Variants in SCRIB observed in about 807,000 individuals in gnomAD.
The protein encoded by SCRIB is scribble planar cell polarity protein.
Under a neutral mutation model 170.0 loss-of-function variants are expected in SCRIB, and 72 were observed. The observed-to-expected ratio is 0.42, with a 90% confidence interval of 0.35 to 0.52. The LOEUF (loss-of-function observed/expected upper bound fraction) is 0.52. Among genes scored for constraint, SCRIB ranks in the 20% least tolerant of loss-of-function variants. The pLI, the probability that SCRIB is intolerant of heterozygous loss-of-function variation, is 0.02. For synonymous variants in SCRIB, 1,298 were observed against 1,044.3 expected (o/e 1.24, Z -4.68); for missense variants, 2,475 against 2,338.5 (o/e 1.06, Z -1.20).
chr8:143,810,645 G>A (rs562452347), intron 12 of SCRIB, 41 bp from the exon 13 acceptor site: 15 of 1,605,192 alleles, frequency 9.3e-6, no homozygotes, highest in Middle Eastern at 3.3e-4. Context: ...ACAGGGCAGG[G>A]GTCAGGCAGA....
Position 143,811,054 on chromosome 8 carries a change from G to A in SCRIB, c.1125C>T (p.Phe375=), listed in dbSNP as rs775237815. 13 of 1,611,850 alleles carry A rather than the reference G, an allele frequency of 8.1e-6. No individual in the cohort carries two copies. Among genetic ancestry groups the A allele is most frequent in the South Asian group, 2.2e-5 (2 of 90,908 alleles). ...CCTTGAGATTGAGGTGGGTGAGCGC[G>A]AACGGCAGACTCTGCAGGCTGCGGG... The part of the protein sequence containing the change: ...VAGNRLQSLP[F]ALTHLNLKAL... The change falls in exon 11 of 37, where the codon TTC becomes TTT. Residue 375 remains phenylalanine, a synonymous_variant. Transcript: ENST00000356994.
In SCRIB at chr8:143,792,263, G is replaced by A. The variant is rs1554632968; in HGVS notation, c.4471C>T (p.Arg1491Trp). The change falls in exon 32 of 37, where the codon CGG (arginine) becomes TGG (tryptophan). Residue 1491 changes from arginine (R) to tryptophan (W), a missense_variant. By Grantham distance (101) the Arg-to-Trp change is moderately radical. This residue lies in a region of SCRIB where 1,966 missense variants were observed against 1,742.9 expected (regional missense o/e 1.13). Coordinates refer to ENST00000356994, the MANE Select transcript of SCRIB (RefSeq NM_182706.5). ...PERALSPAELRALEAEKRALW... is the reference protein window; with the variant it reads ...PERALSPAELWALEAEKRALW... ...GCACGCTTCTCGGCCTCCAGGGCCC[G>A]GAGCTCGGCAGGGGACAGGGCACGC... 5.7e-6 allele frequency: 9 copies of A among 1,572,036 alleles called. No individual in the cohort carries two copies. Among genetic ancestry groups the A allele is most frequent in the Non-Finnish European group, 6.9e-6 (8 of 1,166,420 alleles).
At position 143,813,521 on chromosome 8, in the gene SCRIB, G is replaced by A. The variant is rs967811731; in HGVS notation, c.452C>T (p.Ala151Val). ...CCGGAGCTCCAGGGTCACCAGGTTGGCGAGGCTGAAAGAGAGACCAGGCGC... is the reference window on the plus strand; with the variant it reads ...CCGGAGCTCCAGGGTCACCAGGTTGACGAGGCTGAAAGAGAGACCAGGCGC... ...QALPGDVGNL[A>V]NLVTLELREN... is the part of the protein sequence containing the mutation. The change falls in exon 5 of 37, where the codon GCC becomes GTC. Residue 151 changes from alanine (A) to valine (V), a missense_variant. By Grantham distance (64) the Ala-to-Val change is moderately conservative. Transcript: ENST00000356994. The A allele has an allele frequency of 1.9e-6, 3 of 1,613,148 alleles. No individual in the cohort carries two copies. The highest frequency in any genetic ancestry group is 3.3e-5 in the Admixed American group (2 of 60,000).
intron 24 of SCRIB, among the ~76,000 whole-genome samples, chr8:143,801,739 G>A (rs1554635026): frequency 1.3e-5 from 2 of 152,184 alleles, no homozygotes; most frequent in African/African-American, 4.8e-5. Flanking sequence ...GGAGCTGGAT[G>A]GCAGCTCTCA....
chr8:143,803,291 G>A (rs1268450223), intron 24 of SCRIB, 92 bp downstream of exon 24: 6 of 1,254,390 alleles, frequency 4.8e-6, no homozygotes, highest in Admixed American at 5.3e-5. Flanking sequence ...GAGGCACAGG[G>A]GACCCGTCGC....
intron 27 of SCRIB, among the ~76,000 whole-genome samples, chr8:143,794,568 G>A (rs1327799676): frequency 2.0e-5 from 3 of 152,074 alleles, no homozygotes; most frequent in Non-Finnish European, 4.4e-5. Context: ...CTGGTGGGGC[G>A]CACCCTCTGG....
intron 27 of SCRIB, chr8:143,794,358 G>A (rs1171536121): frequency 2.4e-5 from 5 of 206,716 alleles, no homozygotes; most frequent in African/African-American, 1.1e-4. Context: ...CCCCATGACT[G>A]TGCTGTTGTT....
At position 143,807,566 on chromosome 8, in the gene SCRIB, T is replaced by A. The variant is rs754962645; in HGVS notation, c.2164A>T (p.Ile722Phe). The change falls in exon 16 of 37, where the codon ATT (isoleucine) becomes TTT (phenylalanine). Residue 722 changes from isoleucine to phenylalanine, a missense_variant. Ile to Phe is a conservative substitution (Grantham distance 21). Around this residue, in one of 3 missense-constraint regions of SCRIB, gnomAD observed 1,966 missense variants for 1,742.9 expected, o/e 1.13. Coordinates refer to ENST00000356994, the MANE Select transcript of SCRIB (RefSeq NM_182706.5). ...GCAGTACAGACCTCTTCCTCCTCAA[T>A]GCGAGCAGGCTCTATCAGCAGGTTA... ...ANNLLIEPAR[I>F]EEEELTLTIL... 1 of 1,613,824 alleles carries A rather than the reference T, an allele frequency of 6.2e-7. No homozygotes were observed. Among genetic ancestry groups the A allele is most frequent in the Non-Finnish European group, 8.5e-7 (1 of 1,179,846 alleles).
At position 143,792,231 on chromosome 8, in the gene SCRIB, C is replaced by G. The variant is rs1554632949; in HGVS notation, c.4503G>C (p.Trp1501Cys). 1 of 1,565,096 alleles carries G rather than the reference C, an allele frequency of 6.4e-7. No homozygotes were observed. The highest frequency in any genetic ancestry group is 8.6e-7 in the Non-Finnish European group (1 of 1,162,882). Reference protein sequence around the residue: ...RALEAEKRALWRAARMKSLEQ... With the variant: ...RALEAEKRALCRAARMKSLEQ... ...ACACAGGGGCTCACCTGGCTGCCCT[C>G]CACAGCGCACGCTTCTCGGCCTCCA... Residue 1501 changes from tryptophan to cysteine, a missense_variant, in exon 32 of 37, where the codon TGG becomes TGC. Around this residue, in one of 3 missense-constraint regions of SCRIB, gnomAD observed 1,966 missense variants for 1,742.9 expected, o/e 1.13. Coordinates refer to ENST00000356994, the MANE Select transcript of SCRIB (RefSeq NM_182706.5).
In SCRIB at chr8:143,807,016, G is replaced by A. The variant is rs374076009; in HGVS notation, c.2179-3C>T. 31 of 1,608,422 alleles carry A rather than the reference G, an allele frequency of 1.9e-5. No individual in the cohort carries two copies. Among genetic ancestry groups the A allele is most frequent in the Middle Eastern group, 3.3e-4 (2 of 6,050 alleles). On this transcript the variant is annotated splice_polypyrimidine_tract_variant and splice_region_variant and intron_variant, in intron 16 of 36. Coordinates refer to ENST00000356994, the MANE Select transcript of SCRIB (RefSeq NM_182706.5). ...TGCCGCAGGATAGTGAGGGTCAGCT[G>A]GAAACAGAACAGACAGGGTGTCTAG...
rs1814880823 is a variant in SCRIB at position 143,795,058 on chromosome 8, T to C, written c.3826A>G (p.Ser1276Gly). 2 of 1,611,108 alleles carry C rather than the reference T, an allele frequency of 1.2e-6. No homozygotes were observed. Among genetic ancestry groups the C allele is most frequent in the Non-Finnish European group, 1.7e-6 (2 of 1,179,254 alleles). Residue 1276 changes from serine to glycine, a missense_variant, in exon 27 of 37, where the codon AGC (serine) becomes GGC (glycine). Physicochemically the swap from Ser to Gly is moderately conservative, Grantham distance 56 (BLOSUM62 0). Coordinates refer to ENST00000356994, the MANE Select transcript of SCRIB (RefSeq NM_182706.5). ...CTCACCCTCTGCACGCTGCCAGCGC[T>C]GGGCACGGCGGCCAGGGCGCGGTAG... ...LDYRALAAVPSAGSVQRVPSG... is the reference protein window; with the variant it reads ...LDYRALAAVPGAGSVQRVPSG...
chr8:143,792,918 G>A (rs371340590), intron 29 of SCRIB, 51 bp from the exon 30 acceptor site: 187 of 1,501,574 alleles, frequency 1.2e-4, no homozygotes, highest in Non-Finnish European at 1.6e-4. Context: ...GAGATACTGG[G>A]GCCCCCGGGC....
intron 24 of SCRIB, among the ~76,000 whole-genome samples, chr8:143,801,434 T>C (rs1554634959): frequency 6.6e-6 from 1 of 152,142 alleles, no homozygotes; most frequent in Admixed American, 6.5e-5. Flanking sequence ...TTTTGTAATC[T>C]TGCAGTAGGG....
chr8:143,808,422 A>ACGCCAGGGCAGGCC lies in SCRIB; in HGVS notation c.2115+186_2115+187insGGCCTGCCCTGGCG, dbSNP rs1554637111. 7.5e-4 allele frequency among the ~76,000 whole-genome samples: 111 copies of ACGCCAGGGCAGGCC among 148,482 alleles called. 2 individuals are homozygous for ACGCCAGGGCAGGCC. The highest frequency in any genetic ancestry group is 1.5e-3 in the African/African-American group (60 of 40,794). Reference sequence around the variant, plus strand: ...GGAGTCCAAGCATGGACTGAGACCAATGCCAGGGCAGGCCTGGGGTCTGGT... The same window carrying ACGCCAGGGCAGGCC: ...GGAGTCCAAGCATGGACTGAGACCAACGCCAGGGCAGGCCTGCCAGGGCAGGCCTGGGGTCTGGT... On this transcript the variant is annotated intron_variant, in intron 15 of 36. Transcript: ENST00000356994.
At position 143,803,816 on chromosome 8, in the gene SCRIB, C is replaced by A. The variant is rs782584649; in HGVS notation, c.3245G>T (p.Cys1082Phe). ...QEAVSALLRP[C>F]LELSLLVRRD... ...CCGCACCAGCAGCGACAGCTCCAGG[C>A]AGGGCCGGAGCAGGGCACTGACTGC... The change falls in exon 23 of 37, where the codon TGC becomes TTC. Residue 1082 changes from cysteine to phenylalanine, a missense_variant. By Grantham distance (205) the Cys-to-Phe change is radical. Around this residue, in one of 3 missense-constraint regions of SCRIB, gnomAD observed 1,966 missense variants for 1,742.9 expected, o/e 1.13. Transcript: ENST00000356994. 1.2e-6 allele frequency: 2 copies of A among 1,604,276 alleles called. No homozygotes were observed. The highest frequency in any genetic ancestry group is 1.7e-5 in the Admixed American group (1 of 59,752).
chr8:143,803,668 G>C lies in SCRIB; in HGVS notation c.3393C>G (p.Asp1131Glu), dbSNP rs368489585. 6.4e-7 allele frequency: 1 copy of C among 1,566,968 alleles called. No homozygotes were observed. Among genetic ancestry groups the C allele is most frequent in the Non-Finnish European group, 8.6e-7 (1 of 1,162,590 alleles). Residue 1131 changes from aspartate (D) to glutamate (E), a missense_variant, in exon 23 of 37, where the codon GAC becomes GAG. Asp to Glu is a conservative substitution (Grantham distance 45). Around this residue, in one of 3 missense-constraint regions of SCRIB, gnomAD observed 1,966 missense variants for 1,742.9 expected, o/e 1.13. Coordinates refer to ENST00000356994, the MANE Select transcript of SCRIB (RefSeq NM_182706.5). ...TCACCTTGGAGATGAAGATGCCCTCGTCTGTGGGGTCGCGGGGGTTGCCAG... is the reference window on the plus strand; with the variant it reads ...TCACCTTGGAGATGAAGATGCCCTCCTCTGTGGGGTCGCGGGGGTTGCCAG... ...GHAGNPRDPT[D>E]EGIFISKVSP...
chr8:143,810,714 T>G lies in SCRIB; in HGVS notation c.1376A>C (p.Asp459Ala), dbSNP rs1370735993. The change falls in exon 12 of 37, where the codon GAC (aspartate) becomes GCC (alanine). Residue 459 changes from aspartate to alanine, a missense_variant. Physicochemically the swap from Asp to Ala is moderately radical, Grantham distance 126. Transcript: ENST00000356994. ...CTTCTCAGCTGCAGCTTCCTCAGCG[T>G]CCTCATCACCTATGGGGGCCTCCAG... Reference protein sequence around the residue: ...QFLEAPIGDEDAEEAAAEKRG... With the variant: ...QFLEAPIGDEAAEEAAAEKRG... 6.2e-7 allele frequency: 1 copy of G among 1,606,094 alleles called. No homozygotes were observed. Among genetic ancestry groups the G allele is most frequent in the Non-Finnish European group, 8.5e-7 (1 of 1,175,008 alleles).
chr8:143,802,881 G>A (rs1401801211), intron 24 of SCRIB, among the ~76,000 whole-genome samples: 1 of 152,210 alleles, frequency 6.6e-6, no homozygotes, highest in Admixed American at 6.5e-5. Flanking sequence ...TGGGTAGGGA[G>A]TTCTCTGTTG....
rs558461100 is a variant in SCRIB at position 143,803,911 on chromosome 8, G to A, written c.3150C>T (p.Ser1050=). ...KVLPRGLAAR[S]GLRVGDRILA... ...GGATGCGGTCCCCAACCCGCAGGCCGCTGCGAGCGGCCAGGCCCCGCGGGA... is the reference window on the plus strand; with the variant it reads ...GGATGCGGTCCCCAACCCGCAGGCCACTGCGAGCGGCCAGGCCCCGCGGGA... The change falls in exon 23 of 37, where the codon AGC becomes AGT. Residue 1050 remains serine, a synonymous_variant. Transcript: ENST00000356994. 67 of 1,588,652 alleles carry A rather than the reference G, an allele frequency of 4.2e-5. No individual in the cohort carries two copies. Among genetic ancestry groups the A allele is most frequent in the South Asian group, 3.0e-4 (27 of 88,580 alleles).
Sources: gnomAD v4.1 joint callset for allele counts (sites outside exome capture counted in the v4.1 genomes callset) on GRCh38, gnomAD v4.1.1 for gene constraint, gnomAD v4.1.1 regional missense constraint, MANE v1.5 for transcripts, NCBI Gene and HGNC (gene_info 2026-07-23, HGNC 2026-07-21) for gene names.